The following KIRREL3 variants were observed in gnomAD, a reference collection of about 807,000 sequenced individuals.
KIRREL3 encodes kirre like nephrin family adhesion molecule 3.
A neutral mutation model predicts 89.7 loss-of-function variants in KIRREL3; 36 were observed. The observed-to-expected ratio is 0.40, with a 90% confidence interval of 0.31 to 0.53. KIRREL3 has a LOEUF of 0.53. KIRREL3 is among the 20% of genes least tolerant of loss of function. The pLI is 0.49. For missense variants in KIRREL3, 864 were observed against 1,056.6 expected (o/e 0.82, Z 2.53); for synonymous variants, 445 against 441.4 (o/e 1.01, Z -0.10).
intron 1 of KIRREL3, among the ~76,000 whole-genome samples, chr11:126,781,278 C>T (rs1272986016): frequency 6.6e-6 from 1 of 152,108 alleles, no homozygotes; most frequent in East Asian, 1.9e-4. Flanking sequence ...GATTGACTAC[C>T]TTAAAATTTT....
chr11:126,845,336 G>A (rs761884931), intron 1 of KIRREL3, among the ~76,000 whole-genome samples: 16 of 152,112 alleles, frequency 1.1e-4, no homozygotes, highest in Non-Finnish European at 2.1e-4. Context: ...TCAGACTTCT[G>A]GGCTCTCTCT....
chr11:126,650,765 T>C (rs1226159081), intron 1 of KIRREL3, among the ~76,000 whole-genome samples: 1 of 152,178 alleles, frequency 6.6e-6, no homozygotes, highest in Non-Finnish European at 1.5e-5. Flanking sequence ...CAAAGTCACT[T>C]CCACATCTTT....
rs1949955111 is a variant in KIRREL3, at chr11:126,989,219, T to C, written c.55+11236A>G. Among the ~76,000 whole-genome samples, 1 of 152,222 alleles carries C rather than the reference T, an allele frequency of 6.6e-6. No individual in the cohort carries two copies. Among genetic ancestry groups the C allele is most frequent in the South Asian group, 2.1e-4 (1 of 4,834 alleles). ...AACTTATGCAAAAAGTTTTCTTTTCTACAAGAGATGCTGAAGAAGTCACCT... is the reference window on the plus strand; with the variant it reads ...AACTTATGCAAAAAGTTTTCTTTTCCACAAGAGATGCTGAAGAAGTCACCT... On this transcript the variant is annotated intron_variant, in intron 1 of 16. Transcript: ENST00000525144. This position sits in a 1 kb window ranked among gnomAD's most constrained non-coding sequence, Gnocchi z 6.2.
chr11:126,492,466 C>A lies in KIRREL3; in HGVS notation c.434-19000G>T, dbSNP rs568346850. On this transcript the variant is annotated intron_variant, in intron 4 of 16. Coordinates refer to ENST00000525144, the MANE Select transcript of KIRREL3 (RefSeq NM_032531.4). This position sits in a 1 kb window ranked among gnomAD's most constrained non-coding sequence, Gnocchi z 4.8. ...AAGTTACTTCCCTGCTCCCAGTTAG[C>A]CCCTGTCCGTCCAGTTCTGAGAGGT... 1.3e-5 allele frequency among the ~76,000 whole-genome samples: 2 copies of A among 152,244 alleles called. No individual in the cohort carries two copies. Among genetic ancestry groups the A allele is most frequent in the South Asian group, 4.1e-4 (2 of 4,828 alleles).
chr11:126,929,049 T>C (rs950609695), intron 1 of KIRREL3, among the ~76,000 whole-genome samples: 2 of 152,108 alleles, frequency 1.3e-5, no homozygotes, highest in African/African-American at 4.8e-5. Context: ...CAGATGTACA[T>C]ACCCCTTAGG....
chr11:126,810,714 G>T (rs1348566271), intron 1 of KIRREL3, among the ~76,000 whole-genome samples: 1 of 152,194 alleles, frequency 6.6e-6, no homozygotes, highest in African/African-American at 2.4e-5. Context: ...GAAAGGCGCA[G>T]AAATGGCTTA....
intron 1 of KIRREL3, among the ~76,000 whole-genome samples, chr11:126,573,381 G>C (rs1314505970): frequency 6.6e-6 from 1 of 152,184 alleles, no homozygotes; most frequent in Non-Finnish European, 1.5e-5. Flanking sequence ...CTTGGGAGCT[G>C]AGGCTGGTGA....
intron 1 of KIRREL3, among the ~76,000 whole-genome samples, chr11:126,660,638 G>A (rs1189776962): frequency 2.0e-5 from 3 of 151,912 alleles, no homozygotes; most frequent in Admixed American, 6.6e-5. Flanking sequence ...CATTGGAGGA[G>A]CAAACTTTTG....
chr11:126,486,676 T>A lies in KIRREL3; in HGVS notation c.434-13210A>T, dbSNP rs1370123382. Among the ~76,000 whole-genome samples, 6 of 152,104 alleles carry A rather than the reference T, an allele frequency of 3.9e-5. No homozygotes were observed. Among genetic ancestry groups the A allele is most frequent in the Non-Finnish European group, 7.4e-5 (5 of 68,010 alleles). On this transcript the variant is annotated intron_variant, in intron 4 of 16. Transcript: ENST00000525144. The surrounding 1 kb of genome is among the most constrained non-coding windows in gnomAD (Gnocchi z 6.2). ...CCTTGCAGTAGCCTTATTTCATAGG[T>A]GGGTAAACTGAGGCATAGGCTGGCC...
rs1947118035 is a variant in KIRREL3 at position 126,918,221 on chromosome 11, ATG to A, written c.55+82232_55+82233del. On this transcript the variant is annotated intron_variant, in intron 1 of 16. Coordinates refer to ENST00000525144, the MANE Select transcript of KIRREL3 (RefSeq NM_032531.4). This position sits in a 1 kb window ranked among gnomAD's most constrained non-coding sequence, Gnocchi z 6.5. ...TCGCTCATCATGGTGCTTCCCTCCC[ATG>A]TGTGTGTCCATTTGGGCCTCAGCAA... 6.6e-6 allele frequency among the ~76,000 whole-genome samples: 1 copy of A among 152,162 alleles called. No homozygotes were observed. Among genetic ancestry groups the A allele is most frequent in the African/African-American group, 2.4e-5 (1 of 41,426 alleles).
rs1429471647 is a variant in KIRREL3, at chr11:126,989,032, G to A, written c.55+11423C>T. ...AAGTGGCCAAATCAAGGGGTCGGGG[G>A]ACAGCAGGGCCAAGGTCAAACACCT... On this transcript the variant is annotated intron_variant, in intron 1 of 16. Transcript: ENST00000525144. The surrounding 1 kb of genome is among the most constrained non-coding windows in gnomAD (Gnocchi z 6.2). 6.6e-6 allele frequency among the ~76,000 whole-genome samples: 1 copy of A among 152,116 alleles called. No homozygotes were observed. The highest frequency in any genetic ancestry group is 2.4e-5 in the African/African-American group (1 of 41,440).
In KIRREL3 at chr11:126,909,701, G is replaced by A. The variant is rs1210808644; in HGVS notation, c.55+90754C>T. ...TCCTTTGCTCTCCATAACCCTAGGG[G>A]AGGCAGGATCTTGACCTCAGAGATG... On this transcript the variant is annotated intron_variant, in intron 1 of 16. Coordinates refer to ENST00000525144, the MANE Select transcript of KIRREL3 (RefSeq NM_032531.4). The surrounding 1 kb of genome is among the most constrained non-coding windows in gnomAD (Gnocchi z 4.5). Among the ~76,000 whole-genome samples the A allele has an allele frequency of 6.6e-6, 1 of 152,164 alleles. No homozygotes were observed. The highest frequency in any genetic ancestry group is 1.5e-5 in the Non-Finnish European group (1 of 68,034).
In KIRREL3 at chr11:126,594,764, A is replaced by T. The variant is rs1942311517; in HGVS notation, c.56-31852T>A. ...GAAAGGCAGAGACACTGAATAGAAC[A>T]TAGAAGGGGTTGTTTTCCTAAAGCT... is the stretch of plus-strand genomic sequence containing the variant. On this transcript the variant is annotated intron_variant, in intron 1 of 16. Coordinates refer to ENST00000525144, the MANE Select transcript of KIRREL3 (RefSeq NM_032531.4). The surrounding 1 kb of genome is among the most constrained non-coding windows in gnomAD (Gnocchi z 5.0). 6.6e-6 allele frequency among the ~76,000 whole-genome samples: 1 copy of T among 152,246 alleles called. No homozygotes were observed. The highest frequency in any genetic ancestry group is 2.4e-5 in the African/African-American group (1 of 41,476).
In KIRREL3 at chr11:126,611,595, G is replaced by C. The variant is rs1414461736; in HGVS notation, c.56-48683C>G. On this transcript the variant is annotated intron_variant, in intron 1 of 16. Transcript: ENST00000525144. The surrounding 1 kb of genome is among the most constrained non-coding windows in gnomAD (Gnocchi z 4.7). The stretch of plus-strand genomic sequence containing the variant: ...TGAGGTGTCGTGAGGGCAATGGCCT[G>C]CAGAGTCCAAAGGTGGCTGTCATGT... Among the ~76,000 whole-genome samples, 1 of 152,146 alleles carries C rather than the reference G, an allele frequency of 6.6e-6. No homozygotes were observed. The highest frequency in any genetic ancestry group is 2.4e-5 in the African/African-American group (1 of 41,436).
At chr11:126,787,806 C>A (rs974612417) in intron 1 of KIRREL3, among the ~76,000 whole-genome samples, 3 of 152,208 alleles carry the variant, frequency 2.0e-5, no homozygotes, top group African/African-American at 7.2e-5. Context: ...GGGAACACTC[C>A]TGATGAATTG....
In KIRREL3 at chr11:126,772,443, G is replaced by A. The variant is rs567047064; in HGVS notation, c.56-209531C>T. On this transcript the variant is annotated intron_variant, in intron 1 of 16. Coordinates refer to ENST00000525144, the MANE Select transcript of KIRREL3 (RefSeq NM_032531.4). The surrounding 1 kb of genome is among the most constrained non-coding windows in gnomAD (Gnocchi z 4.6). ...AATTTGAGGGAGACGTTTGGGAGGA[G>A]GATGCTTCAGCCGCTTGGCTTCTAA... Among the ~76,000 whole-genome samples the A allele has an allele frequency of 3.6e-4, 55 of 152,182 alleles. No homozygotes were observed. The highest frequency in any genetic ancestry group is 1.3e-3 in the African/African-American group (54 of 41,534).
At chr11:126,853,071 T>G (rs1192131441) in intron 1 of KIRREL3, among the ~76,000 whole-genome samples, 1 of 152,182 alleles carries the variant, frequency 6.6e-6, no homozygotes, top group South Asian at 2.1e-4. Flanking sequence ...TTTTTTTGTG[T>G]TGTTGCTTTT....
chr11:127,001,311 TG>T (rs1176637727), upstream of KIRREL3: 10 of 5,694 alleles, frequency 1.8e-3, no homozygotes, highest in African/African-American at 9.7e-3. Context: ...TGGGTGGTTG[TG>T]GTGGGGGGGG....
intron 1 of KIRREL3, among the ~76,000 whole-genome samples, chr11:126,979,463 G>A (rs968707169): frequency 2.0e-5 from 3 of 152,132 alleles, no homozygotes; most frequent in African/African-American, 4.8e-5. Context: ...ATTGATTTGC[G>A]GGAAATTCAT....
Sources: allele counts gnomAD v4.1 joint callset (sites outside exome capture counted in the v4.1 genomes callset), GRCh38; gene constraint gnomAD v4.1.1; non-coding constraint Gnocchi (gnomAD v3.1); transcripts MANE v1.5; gene names NCBI Gene and HGNC (gene_info 2026-07-23, HGNC 2026-07-21).